The following ARL15 variants were observed in gnomAD, a reference collection of about 807,000 sequenced individuals.
ARL15 encodes the protein ARF like GTPase 15.
ARL15 carries 19 observed loss-of-function variants against 25.2 expected under a neutral mutation model. The observed-to-expected ratio is 0.75, with a 90% CI of 0.53 to 1.10. The LOEUF (loss-of-function observed/expected upper bound fraction) is 1.10, where lower values mean the gene tolerates loss of function less well. Among genes scored for constraint, ARL15 ranks in the 50% least tolerant of loss-of-function variants. The pLI, the probability that ARL15 is intolerant of heterozygous loss-of-function variation, is 0.00. For synonymous variants in ARL15, 94 were observed against 86.8 expected (o/e 1.08, Z -0.46); for missense variants, 220 against 246.0 (o/e 0.89, Z 0.71).
chr5:54,268,675 G>A (rs1371479663), intron 1 of ARL15, among the ~76,000 whole-genome samples: 1 of 152,080 alleles, frequency 6.6e-6, no homozygotes, highest in Non-Finnish European at 1.5e-5. Flanking sequence ...ATTCCTCAGG[G>A]ATCTAGAACT....
chr5:54,113,529 G>A, intron 3 of ARL15, 119 bp from the exon 4 acceptor site: 1 of 914,790 alleles, frequency 1.1e-6, no homozygotes, highest in Non-Finnish European at 1.6e-6. Flanking sequence ...GCTAAACTCT[G>A]TGGTATGGAT....
intron 4 of ARL15, among the ~76,000 whole-genome samples, chr5:54,048,858 A>T (rs951820748): frequency 5.9e-5 from 9 of 151,364 alleles, no homozygotes; most frequent in African/African-American, 2.2e-4. Flanking sequence ...ACACATTCCA[A>T]GAGATCCAAA....
chr5:54,065,403 T>C (rs1038760215), intron 4 of ARL15, among the ~76,000 whole-genome samples: 5 of 152,188 alleles, frequency 3.3e-5, no homozygotes, highest in African/African-American at 1.2e-4. Context: ...CAGTGGCTAA[T>C]GCCTGTAATC....
chr5:54,178,632 T>A (rs1391083461), intron 1 of ARL15, among the ~76,000 whole-genome samples: 1 of 151,520 alleles, frequency 6.6e-6, no homozygotes, highest in African/African-American at 2.4e-5. Flanking sequence ...AAGAGGCAGC[T>A]ATTCATTCTG....
At chr5:54,084,481 A>T (rs1751900017) in intron 4 of ARL15, among the ~76,000 whole-genome samples, 1 of 151,232 alleles carries the variant, frequency 6.6e-6, no homozygotes, top group African/African-American at 2.4e-5. Context: ...TTCATTTTTA[A>T]GGGAAAAAGC....
At chr5:53,970,593 G>A (rs550860832) in intron 4 of ARL15, among the ~76,000 whole-genome samples, 1 of 152,184 alleles carries the variant, frequency 6.6e-6, no homozygotes, top group South Asian at 2.1e-4. Flanking sequence ...ACAGTTGCTT[G>A]GTTTTACCTT....
intron 4 of ARL15, among the ~76,000 whole-genome samples, chr5:53,949,167 A>C (rs1349163402): frequency 6.6e-6 from 1 of 152,198 alleles, no homozygotes; most frequent in African/African-American, 2.4e-5. Flanking sequence ...AGACAATACA[A>C]TGATTTAATT....
chr5:54,058,955 T>G (rs1210485421), intron 4 of ARL15, among the ~76,000 whole-genome samples: 1 of 152,226 alleles, frequency 6.6e-6, no homozygotes, highest in Non-Finnish European at 1.5e-5. Context: ...TGAGACGTCA[T>G]TAGGTTCTGA....
chr5:54,099,023 C>T (rs749653844), intron 4 of ARL15, among the ~76,000 whole-genome samples: 10 of 152,080 alleles, frequency 6.6e-5, no homozygotes, highest in Non-Finnish European at 1.3e-4. Context: ...GGGGAAACAA[C>T]AATCTGTCAA....
intron 1 of ARL15, among the ~76,000 whole-genome samples, chr5:54,183,054 G>A (rs1417115273): frequency 7.5e-6 from 1 of 133,934 alleles, no homozygotes; most frequent in Non-Finnish European, 1.7e-5. Context: ...TTTGGGCTGA[G>A]ACGATGGGGT....
intron 4 of ARL15, among the ~76,000 whole-genome samples, chr5:54,083,600 T>C (rs1751871887): frequency 1.3e-5 from 2 of 152,196 alleles, no homozygotes; most frequent in Admixed American, 6.5e-5. Flanking sequence ...TGTCATTTTC[T>C]CCTCATTTAG....
intron 4 of ARL15, among the ~76,000 whole-genome samples, chr5:53,900,179 T>C (rs1745017949): frequency 6.6e-6 from 1 of 152,184 alleles, no homozygotes; most frequent in Non-Finnish European, 1.5e-5. Flanking sequence ...GTTCATAAGG[T>C]AATCAAAGCT....
In ARL15 at chr5:54,137,015, T is replaced by C. The variant is rs373258581; in HGVS notation, c.253+17565A>G. Among the ~76,000 whole-genome samples, 3 of 152,150 alleles carry C rather than the reference T, an allele frequency of 2.0e-5. No homozygotes were observed. In the East Asian group the frequency reaches 5.8e-4, roughly 29 times the overall value. ...TACAGATATTAAAATGTTTTGTTGTTTTAAAATTTGATTTAGAACTGCAGT... is the reference window on the plus strand; with the variant it reads ...TACAGATATTAAAATGTTTTGTTGTCTTAAAATTTGATTTAGAACTGCAGT... On this transcript the variant is annotated intron_variant, in intron 3 of 4. Transcript: ENST00000504924.
chr5:54,101,147 G>A (rs1752424754), intron 4 of ARL15, among the ~76,000 whole-genome samples: 1 of 152,022 alleles, frequency 6.6e-6, no homozygotes, highest in Non-Finnish European at 1.5e-5. Flanking sequence ...AGTGAGAGAA[G>A]AGTTGTTATT....
intron 1 of ARL15, among the ~76,000 whole-genome samples, chr5:54,291,566 C>T (rs1758319270): frequency 6.6e-6 from 1 of 152,112 alleles, no homozygotes; most frequent in African/African-American, 2.4e-5. Flanking sequence ...TATAATAATA[C>T]TAAAGCTACT....
intron 2 of ARL15, among the ~76,000 whole-genome samples, chr5:54,155,706 A>ACG (rs1554044094): frequency 8.9e-5 from 13 of 145,974 alleles, no homozygotes; most frequent in African/African-American, 2.9e-4. Context: ...ACACACACGC[A>ACG]CACACACACA....
chr5:54,202,644 T>C (rs1309609724), intron 1 of ARL15, among the ~76,000 whole-genome samples: 3 of 152,164 alleles, frequency 2.0e-5, no homozygotes, highest in Non-Finnish European at 2.9e-5. Context: ...TTAAGCTACT[T>C]AGTTTGTGGT....
At chr5:54,113,126 C>A in intron 4 of ARL15, 76 bp downstream of exon 4, 1 of 1,411,188 alleles carries the variant, frequency 7.1e-7, no homozygotes, top group African/African-American at 1.4e-5. Flanking sequence ...TAATTACATG[C>A]ATTTTTCCAG....
At chr5:53,933,561 C>T (rs377694138) in intron 4 of ARL15, among the ~76,000 whole-genome samples, 2 of 136,552 alleles carry the variant, frequency 1.5e-5, no homozygotes, top group African/African-American at 2.7e-5. Context: ...AGGAGAATGG[C>T]GTGAACCTGG....
Sources: allele counts gnomAD v4.1 joint callset (sites outside exome capture counted in the v4.1 genomes callset), GRCh38; gene constraint gnomAD v4.1.1; transcripts MANE v1.5; gene names NCBI Gene and HGNC (gene_info 2026-07-23, HGNC 2026-07-21).